Variants in DHRS12 observed in about 807,000 individuals in gnomAD.
The protein encoded by DHRS12 is dehydrogenase/reductase 12, also known as dehydrogenase/reductase SDR family member 12.
In DHRS12, 29 loss-of-function variants were observed where a neutral mutation model predicts 32.1. The ratio of observed to expected loss-of-function variants is 0.90; its 90% CI spans 0.67 to 1.23. DHRS12 has a LOEUF of 1.23. Among genes scored for constraint, DHRS12 ranks in the 50% most tolerant of loss-of-function variants. The pLI, the probability that DHRS12 is intolerant of heterozygous loss-of-function variation, is 0.00. For synonymous variants in DHRS12, 150 were observed against 135.9 expected (o/e 1.10, Z -0.72); for missense variants, 330 against 337.2 (o/e 0.98, Z 0.17).
chr13:51,777,066 G>A lies in DHRS12; in HGVS notation c.357C>T (p.Pro119=). ...LIPVLEKEHD[P]RVITVSSGGM... ...TCCCATAAGGTCAACTCACCACTCG[G>A]GGGTCGTGTTCTTTCTCCAGCACAG... Residue 119 remains proline (P), a synonymous_variant, in exon 5 of 9, where the codon CCC becomes CCT. Coordinates refer to ENST00000444610, the MANE Select transcript of DHRS12 (RefSeq NM_001377533.1). 2.5e-6 allele frequency: 4 copies of A among 1,614,114 alleles called. No homozygotes were observed. Among genetic ancestry groups the A allele is most frequent in the East Asian group, 2.2e-5 (1 of 44,876 alleles).
chr13:51,768,682 C>T, intron 8 of DHRS12: 2 of 1,130,306 alleles, frequency 1.8e-6, no homozygotes, highest in South Asian at 2.8e-5. Flanking sequence ...AGGTCAAGTG[C>T]TGTCTTCGGA....
At chr13:51,758,035 C>T in the DHRS12 span, among the ~76,000 whole-genome samples, 4 of 151,742 alleles carry the variant, frequency 2.6e-5, no homozygotes, top group African/African-American at 9.7e-5. Flanking sequence ...TTTATCATAA[C>T]TGGTCACCAG....
In DHRS12 at chr13:51,804,021, C is replaced by T. The variant is rs777699124; in HGVS notation, c.-9+33G>A. 8.9e-6 allele frequency: 13 copies of T among 1,460,086 alleles called. 2 individuals carry two copies. In the South Asian group the frequency reaches 1.7e-4, roughly 19 times the overall value. The allele number at this position is 1,460,086 out of a possible 1,614,324, so 90.4% of individuals were successfully genotyped here. A position where few individuals can be genotyped will look rare whatever the true frequency, so the allele number is the denominator to read the frequency against. ...CGCGCCGAGGCGGGCCACGTGACAG[C>T]CCGGGGCCCCGCGCCCCGCCGCGCC... is the stretch of plus-strand genomic sequence containing the variant. On this transcript the variant is annotated intron_variant, in intron 1 of 8. Coordinates refer to ENST00000444610, the MANE Select transcript of DHRS12 (RefSeq NM_001377533.1).
intron 4 of DHRS12, among the ~76,000 whole-genome samples, chr13:51,786,249 T>C (rs982439476): frequency 1.3e-5 from 2 of 152,218 alleles, no homozygotes; most frequent in African/African-American, 2.4e-5. Context: ...CTGGTGGAGA[T>C]AGAATCAGTG....
chr13:51,799,401 G>T, intron 2 of DHRS12, 133 bp downstream of exon 2: 1 of 1,342,930 alleles, frequency 7.4e-7, no homozygotes, highest in Non-Finnish European at 1.0e-6. Context: ...AAAGCTGGCA[G>T]CTGTGCCCAG....
intron 4 of DHRS12, among the ~76,000 whole-genome samples, chr13:51,780,832 T>C (rs999715690): frequency 6.6e-6 from 1 of 152,222 alleles, no homozygotes; most frequent in African/African-American, 2.4e-5. Context: ...GAGTATGACA[T>C]TTTAATAGCA....
chr13:51,758,270 A>C, the DHRS12 span: 1 of 1,599,940 alleles, frequency 6.3e-7, no homozygotes, highest in South Asian at 1.1e-5. Context: ...GAGGATGGTT[A>C]CTGACTTCTG....
chr13:51,767,407 A>C (rs974813113), downstream of DHRS12: 8 of 152,210 alleles, frequency 5.3e-5, no homozygotes, highest in Admixed American at 4.6e-4. Flanking sequence ...TCCTTGGCTG[A>C]TGATGAGCCC....
Position 51,768,234 on chromosome 13 carries a change from C to T in DHRS12, c.760G>A (p.Glu254Lys), listed in dbSNP as rs1250445473. ...TGTTCCAGGATTTCAATGAGTTTCT[C>T]CTCTTCGGCCGGTGAGGAGGACGCT... ...ATASSSPAEEEKLIEILEQLA... is the reference protein window; with the variant it reads ...ATASSSPAEEKKLIEILEQLA... Residue 254 changes from glutamate to lysine, a missense_variant, in exon 9 of 9, where the codon GAG becomes AAG. Transcript: ENST00000444610. 5.1e-5 allele frequency: 78 copies of T among 1,536,010 alleles called. No individual in the cohort carries two copies. Among genetic ancestry groups the T allele is most frequent in the Non-Finnish European group, 6.4e-5 (73 of 1,146,916 alleles).
At chr13:51,771,042 C>A (rs1169395511) in intron 7 of DHRS12, 2 of 1,430,692 alleles carry the variant, frequency 1.4e-6, no homozygotes, top group Non-Finnish European at 1.8e-6. Context: ...TTCCCAAAAC[C>A]CCATGGCCAG....
Position 51,800,541 on chromosome 13 carries a change from C to G in DHRS12, c.-8-874G>C, listed in dbSNP as rs74086298. ...TCTCAGAGCTTACATCTCTCACCTACGGAGCCGAGAGATTTCTCCTGGGCA... is the reference window on the plus strand; with the variant it reads ...TCTCAGAGCTTACATCTCTCACCTAGGGAGCCGAGAGATTTCTCCTGGGCA... On this transcript the variant is annotated intron_variant, in intron 1 of 8. Transcript: ENST00000444610. 6.4e-3 allele frequency among the ~76,000 whole-genome samples: 975 copies of G among 152,308 alleles called. 11 individuals carry two copies. The highest frequency in any genetic ancestry group is 0.023 in the African/African-American group (939 of 41,576).
chr13:51,757,250 G>T, the DHRS12 span, among the ~76,000 whole-genome samples: 2 of 152,084 alleles, frequency 1.3e-5, no homozygotes, highest in African/African-American at 4.8e-5. Flanking sequence ...CTCATCATAC[G>T]TGATGAAATT....
At chr13:51,787,296 T>C (rs1392899413) in intron 4 of DHRS12, among the ~76,000 whole-genome samples, 2 of 152,186 alleles carry the variant, frequency 1.3e-5, no homozygotes, top group African/African-American at 2.4e-5. Context: ...TTAGAGTCTA[T>C]CAAGCCTGTC....
chr13:51,759,850 C>A, the DHRS12 span: 1 of 1,444,844 alleles, frequency 6.9e-7, no homozygotes, highest in Non-Finnish European at 9.7e-7. Context: ...AGTGGTAAAG[C>A]AGACATGTGA....
rs369302476 is a variant in DHRS12 at position 51,790,059 on chromosome 13, C to G, written c.253G>C (p.Glu85Gln). The change falls in exon 4 of 9, where the codon GAG becomes CAG. Residue 85 changes from glutamate to glutamine, a missense_variant. By Grantham distance (29) the Glu-to-Gln change is conservative (BLOSUM62 2). Transcript: ENST00000444610. Reference sequence around the variant, plus strand: ...TTTTCAAGTCCATCTTCTGTGAGCTCTCTTTTATTGACCATGCAACCTGCA... The same window carrying G: ...TTTTCAAGTCCATCTTCTGTGAGCTGTCTTTTATTGACCATGCAACCTGCA... ...NNAGCMVNKR[E>Q]LTEDGLEKNF... 1.9e-6 allele frequency: 3 copies of G among 1,602,976 alleles called. No homozygotes were observed. The highest frequency in any genetic ancestry group is 1.7e-6 in the Non-Finnish European group (2 of 1,176,490).
chr13:51,800,710 G>A lies in DHRS12; in HGVS notation c.-8-1043C>T, dbSNP rs9596578. Among the ~76,000 whole-genome samples the A allele has an allele frequency of 4.3e-3, 653 of 152,368 alleles. 7 individuals carry two copies. Among genetic ancestry groups the A allele is most frequent in the Admixed American group, 0.023 (351 of 15,310 alleles). On this transcript the variant is annotated intron_variant, in intron 1 of 8. Transcript: ENST00000444610. ...CTGCCAGTTACATGCTCTGGAACTCGGGGAAGTGGCCAAAGGATGTTTATG... is the reference window on the plus strand; with the variant it reads ...CTGCCAGTTACATGCTCTGGAACTCAGGGAAGTGGCCAAAGGATGTTTATG...
At chr13:51,770,791 G>A (rs573756211) in intron 7 of DHRS12, 1 of 1,026,562 alleles carries the variant, frequency 9.7e-7, no homozygotes, top group South Asian at 3.8e-5. Context: ...CAGGAACTTG[G>A]TATCTTCATT....
Position 51,782,672 on chromosome 13 carries a change from C to T in DHRS12, c.302-5551G>A, listed in dbSNP as rs1184879049. Among the ~76,000 whole-genome samples, 1 of 152,096 alleles carries T rather than the reference C, an allele frequency of 6.6e-6. No homozygotes were observed. Among genetic ancestry groups the T allele is most frequent in the African/African-American group, 2.4e-5 (1 of 41,402 alleles). On this transcript the variant is annotated intron_variant, in intron 4 of 8. Coordinates refer to ENST00000444610, the MANE Select transcript of DHRS12 (RefSeq NM_001377533.1). The surrounding 1 kb of genome is among the most constrained non-coding windows in gnomAD (Gnocchi z 4.2). ...GGCCTAGCCAGGTGACTGATGTCAC[C>T]CCCTGCTGTCACAGCCGCAGTATGG...
chr13:51,801,640 C>T (rs972131431), intron 1 of DHRS12, among the ~76,000 whole-genome samples: 3 of 152,154 alleles, frequency 2.0e-5, no homozygotes, highest in Admixed American at 6.5e-5. Context: ...TAAACACAGA[C>T]GTGAGCCCTG....
Sources: gnomAD v4.1 joint callset for allele counts (sites outside exome capture counted in the v4.1 genomes callset) on GRCh38, gnomAD v4.1.1 for gene constraint, Gnocchi (gnomAD v3.1) non-coding constraint, MANE v1.5 for transcripts, NCBI Gene and HGNC (gene_info 2026-07-23, HGNC 2026-07-21) for gene names.